ACVR1: variants seen among roughly 807,000 people sequenced by gnomAD.
ACVR1 encodes activin A receptor type 1, also known as activin receptor type-1.
A neutral mutation model predicts 57.1 loss-of-function variants in ACVR1; 38 were observed. The ratio of observed to expected loss-of-function variants is 0.67; its 90% CI spans 0.51 to 0.87. The LOEUF is 0.87. Among genes scored for constraint, ACVR1 ranks in the 40% least tolerant of loss-of-function variants. The pLI, the probability that ACVR1 is intolerant of heterozygous loss-of-function variation, is 0.00. For missense variants in ACVR1, 463 were observed against 638.2 expected, an observed-to-expected ratio of 0.73 and a Z score of 2.96; for synonymous variants, 212 against 228.1, an observed-to-expected ratio of 0.93 and a Z score of 0.63.
At chr2:157,800,085 A>G (rs1371809026) in intron 2 of ACVR1, among the ~76,000 whole-genome samples, 2 of 152,266 alleles carry the variant, frequency 1.3e-5, no homozygotes, top group East Asian at 3.8e-4. Flanking sequence ...TCTGCATTAA[A>G]CAAATTTAAC....
At chr2:157,834,368 T>C (rs147954109) in intron 1 of ACVR1, among the ~76,000 whole-genome samples, 219 of 152,038 alleles carry the variant, frequency 1.4e-3, no homozygotes, top group African/African-American at 4.7e-3. Flanking sequence ...GCTAGGATTA[T>C]AGGCGTGACC....
intron 9 of ACVR1, among the ~76,000 whole-genome samples, chr2:157,755,401 A>C (rs779691134): frequency 1.3e-5 from 2 of 152,148 alleles, no homozygotes; most frequent in Non-Finnish European, 2.9e-5. Flanking sequence ...CTGATAAAAG[A>C]ACTTACCAAA....
chr2:157,865,157 G>C (rs1003599716), intron 1 of ACVR1, among the ~76,000 whole-genome samples: 2 of 148,230 alleles, frequency 1.3e-5, no homozygotes, highest in African/African-American at 4.9e-5. Context: ...AAAAAAGAGT[G>C]AGACTGAGAG....
intron 1 of ACVR1, among the ~76,000 whole-genome samples, chr2:157,846,849 G>C (rs1451633929): frequency 6.6e-6 from 1 of 152,120 alleles, no homozygotes; most frequent in Non-Finnish European, 1.5e-5. Flanking sequence ...TCCTGGCCTC[G>C]AGGGCAGGAG....
At chr2:157,844,169 G>C (rs557886928) in intron 1 of ACVR1, among the ~76,000 whole-genome samples, 1 of 152,306 alleles carries the variant, frequency 6.6e-6, no homozygotes, top group South Asian at 2.1e-4. Flanking sequence ...CTCCAACTGT[G>C]CTGTGGGAGA....
chr2:157,799,675 T>C (rs1029120170), intron 2 of ACVR1, among the ~76,000 whole-genome samples, 175 bp from the exon 3 acceptor site: 4 of 152,194 alleles, frequency 2.6e-5, no homozygotes, highest in Admixed American at 2.0e-4. Context: ...GACCTAAACA[T>C]ATCACTTTAA....
At chr2:157,769,938 T>C (rs947103033) in intron 7 of ACVR1, among the ~76,000 whole-genome samples, 2 of 152,234 alleles carry the variant, frequency 1.3e-5, no homozygotes, top group African/African-American at 4.8e-5. Flanking sequence ...ATGCCTAGTT[T>C]GAGGGAATGT....
chr2:157,737,655 G>A lies in ACVR1; in HGVS notation c.1406C>T (p.Ser469Phe). 6.2e-7 allele frequency: 1 copy of A among 1,614,136 alleles called. No homozygotes were observed. The highest frequency in any genetic ancestry group is 8.5e-7 in the Non-Finnish European group (1 of 1,179,978). ...GCATTCTTTCATTAGCTTGGCCAGA[G>A]AGGTTAATGTCTGAGGAGAGAAAGA... ...NRWFSDPTLTSLAKLMKECWY... is the reference protein window; with the variant it reads ...NRWFSDPTLTFLAKLMKECWY... Residue 469 changes from serine to phenylalanine, a missense_variant, in exon 11 of 11, where the codon TCT (serine) becomes TTT (phenylalanine). Physicochemically the swap from Ser to Phe is radical, Grantham distance 155 (BLOSUM62 -2). This residue lies in a region of ACVR1 where 146 missense variants were observed against 186.6 expected (regional missense o/e 0.78). Transcript: ENST00000434821.
intron 3 of ACVR1, among the ~76,000 whole-genome samples, chr2:157,796,840 T>C (rs1687141781): frequency 6.6e-6 from 1 of 152,122 alleles, no homozygotes; most frequent in Admixed American, 6.5e-5. Context: ...ATAAGCCCAT[T>C]TCCTCGTATT....
intron 8 of ACVR1, among the ~76,000 whole-genome samples, chr2:157,763,442 G>C (rs1685740452): frequency 6.6e-6 from 1 of 152,138 alleles, no homozygotes; most frequent in Non-Finnish European, 1.5e-5. Flanking sequence ...AAACAGACGA[G>C]GCACAGTGGC....
intron 9 of ACVR1, among the ~76,000 whole-genome samples, chr2:157,748,035 CTTT>C (rs1681165000): frequency 1.3e-5 from 2 of 151,990 alleles, no homozygotes; most frequent in African/African-American, 2.4e-5. Flanking sequence ...CTCTACCTTC[CTTT>C]TTTTTCTTTT....
intron 3 of ACVR1, among the ~76,000 whole-genome samples, chr2:157,793,148 T>G (rs1285194445): frequency 6.6e-6 from 1 of 152,184 alleles, no homozygotes; most frequent in Non-Finnish European, 1.5e-5. Context: ...ATGGCATTCA[T>G]CCTCTCACTC....
At chr2:157,748,385 A>G (rs919964676) in intron 9 of ACVR1, among the ~76,000 whole-genome samples, 1 of 152,176 alleles carries the variant, frequency 6.6e-6, no homozygotes, top group Non-Finnish European at 1.5e-5. Flanking sequence ...ATCCTTCTCT[A>G]AATTGTTTGT....
intron 2 of ACVR1, among the ~76,000 whole-genome samples, chr2:157,815,496 C>T (rs1687902137): frequency 6.6e-6 from 1 of 152,240 alleles, no homozygotes; most frequent in Admixed American, 6.5e-5. Flanking sequence ...GTGACTCTCA[C>T]TGTTAACCAC....
At chr2:157,757,044 A>ATATATATATATATATATATAT (rs1559039320) in intron 9 of ACVR1, among the ~76,000 whole-genome samples, 1 of 87,092 alleles carries the variant, frequency 1.1e-5, no homozygotes, top group African/African-American at 6.7e-5. Flanking sequence ...ATATATATAT[A>ATATATATATATATATATATAT]AAATAGAATA....
chr2:157,764,431 CT>C (rs1445415501), intron 8 of ACVR1, among the ~76,000 whole-genome samples: 1 of 148,676 alleles, frequency 6.7e-6, no homozygotes, highest in East Asian at 2.0e-4. Flanking sequence ...TCATCTTGAA[CT>C]CCTGACCTCA....
intron 5 of ACVR1, among the ~76,000 whole-genome samples, chr2:157,776,332 TTCTAACTAACC>T (rs1184358439): frequency 6.6e-6 from 1 of 152,208 alleles, no homozygotes; most frequent in South Asian, 2.1e-4. Flanking sequence ...AGGAATGAAG[TTCTAACTAACC>T]TATTTTAGAA....
intron 3 of ACVR1, among the ~76,000 whole-genome samples, chr2:157,795,766 T>C (rs1687089056): frequency 6.6e-6 from 1 of 152,160 alleles, no homozygotes; most frequent in Admixed American, 6.5e-5. Flanking sequence ...GGCATGGTTA[T>C]TAGCATTGCT....
intron 3 of ACVR1, among the ~76,000 whole-genome samples, chr2:157,792,673 G>C (rs1467722517): frequency 6.6e-6 from 1 of 152,164 alleles, no homozygotes; most frequent in Non-Finnish European, 1.5e-5. Flanking sequence ...AGTAGTTTAA[G>C]ACAAGGTTTC....
Sources: allele counts gnomAD v4.1 joint callset (sites outside exome capture counted in the v4.1 genomes callset), GRCh38; gene constraint gnomAD v4.1.1; regional missense constraint gnomAD v4.1.1; transcripts MANE v1.5; gene names NCBI Gene and HGNC (gene_info 2026-07-23, HGNC 2026-07-21).